The following TRAPPC9 variants were observed in gnomAD, a reference collection of about 807,000 sequenced individuals.
TRAPPC9 encodes the protein trafficking protein particle complex subunit 9.
Under a neutral mutation model 124.0 loss-of-function variants are expected in TRAPPC9, and 83 were observed. The ratio of observed to expected loss-of-function variants is 0.67; its 90% CI spans 0.56 to 0.80. The LOEUF (loss-of-function observed/expected upper bound fraction) is 0.80, where lower values mean the gene tolerates loss of function less well. TRAPPC9 is among the 30% of genes least tolerant of loss of function. The pLI, the probability that TRAPPC9 is intolerant of heterozygous loss-of-function variation, is 0.00. For missense variants in TRAPPC9, 1,302 were observed against 1,508.3 expected (o/e 0.86, Z 2.27); for synonymous variants, 638 against 617.5 (o/e 1.03, Z -0.49).
intron 17 of TRAPPC9, among the ~76,000 whole-genome samples, chr8:140,171,100 C>A (rs2061956611): frequency 6.6e-6 from 1 of 152,180 alleles, no homozygotes; most frequent in South Asian, 2.1e-4. Flanking sequence ...TGAAAACAAA[C>A]CTCCATCTGC....
intron 18 of TRAPPC9, among the ~76,000 whole-genome samples, chr8:140,001,199 A>G (rs553359376): frequency 2.6e-5 from 4 of 152,212 alleles, no homozygotes; most frequent in Non-Finnish European, 5.9e-5. Context: ...ACATGGACAC[A>G]GGGTGGAGAA....
intron 2 of TRAPPC9, among the ~76,000 whole-genome samples, chr8:140,443,205 G>A (rs1368504749): frequency 6.8e-6 from 1 of 147,280 alleles, no homozygotes; most frequent in Non-Finnish European, 1.5e-5. Flanking sequence ...GGAGGCCAAG[G>A]CGGGCAGATC....
In TRAPPC9 at chr8:140,439,205, A is replaced by G; in HGVS notation, c.585-8T>C. The G allele has an allele frequency of 6.2e-7, 1 of 1,613,912 alleles. No homozygotes were observed. The highest frequency in any genetic ancestry group is 1.1e-5 in the South Asian group (1 of 91,080). ...CACCGCTTCTTGTAATGTCTAGAAAATACATGAAAATGTATCTTTATTACT... is the reference window on the plus strand; with the variant it reads ...CACCGCTTCTTGTAATGTCTAGAAAGTACATGAAAATGTATCTTTATTACT... On this transcript the variant is annotated splice_region_variant and splice_polypyrimidine_tract_variant and intron_variant, in intron 2 of 22. Coordinates refer to ENST00000438773, the MANE Select transcript of TRAPPC9 (RefSeq NM_001160372.4).
chr8:139,977,593 G>C (rs1246771190), intron 19 of TRAPPC9, among the ~76,000 whole-genome samples: 1 of 145,002 alleles, frequency 6.9e-6, no homozygotes, highest in Non-Finnish European at 1.5e-5. Context: ...ACTCCAGCCT[G>C]GGCGACAGAG....
intron 21 of TRAPPC9, among the ~76,000 whole-genome samples, chr8:139,827,214 C>T (rs1240776644): frequency 3.3e-5 from 5 of 152,312 alleles, no homozygotes; most frequent in East Asian, 1.9e-4. Flanking sequence ...CAGGGCCTCG[C>T]GGCTCAGGGT....
chr8:140,343,008 G>A (rs189767321), intron 9 of TRAPPC9, among the ~76,000 whole-genome samples: 9 of 152,136 alleles, frequency 5.9e-5, no homozygotes, highest in East Asian at 1.9e-4. Flanking sequence ...GGAAGCTTGC[G>A]ATCACTATGG....
chr8:139,945,304 A>G (rs1170035335), intron 19 of TRAPPC9, among the ~76,000 whole-genome samples: 3 of 152,140 alleles, frequency 2.0e-5, no homozygotes, highest in East Asian at 3.8e-4. Context: ...TGGAGTGGTT[A>G]TATCAACATC....
Position 140,252,386 on chromosome 8 carries a change from C to A in TRAPPC9, c.2431+391G>T, listed in dbSNP as rs1166051793. On this transcript the variant is annotated intron_variant, in intron 16 of 22. Coordinates refer to ENST00000438773, the MANE Select transcript of TRAPPC9 (RefSeq NM_001160372.4). This position sits in a 1 kb window ranked among gnomAD's most constrained non-coding sequence, Gnocchi z 4.2. ...TTACAACAAATATAAATTTCCATTT[C>A]TTCCACACTCCACCTCCTTATAGAT... Among the ~76,000 whole-genome samples, 1 of 152,148 alleles carries A rather than the reference C, an allele frequency of 6.6e-6. No homozygotes were observed. Among genetic ancestry groups the A allele is most frequent in the African/African-American group, 2.4e-5 (1 of 41,436 alleles).
intron 17 of TRAPPC9, among the ~76,000 whole-genome samples, chr8:140,112,420 C>T (rs1404148732): frequency 4.6e-4 from 68 of 147,558 alleles, no homozygotes; most frequent in Non-Finnish European, 6.8e-4. Context: ...GAATTCCAGA[C>T]GATGGTGGGA....
intron 17 of TRAPPC9, among the ~76,000 whole-genome samples, chr8:140,129,571 CAG>C (rs535179746): frequency 2.1e-3 from 319 of 152,124 alleles, no homozygotes; most frequent in Non-Finnish European, 3.7e-3. Flanking sequence ...GATGTCCACA[CAG>C]GGGGCAGGGG....
chr8:140,329,541 T>C (rs1398352959), intron 9 of TRAPPC9, among the ~76,000 whole-genome samples: 1 of 152,166 alleles, frequency 6.6e-6, no homozygotes, highest in Non-Finnish European at 1.5e-5. Flanking sequence ...GTGAGTCAAA[T>C]ATTATCATTA....
chr8:139,960,008 G>A (rs530590716), intron 19 of TRAPPC9, among the ~76,000 whole-genome samples: 40 of 152,328 alleles, frequency 2.6e-4, no homozygotes, highest in African/African-American at 7.7e-4. Flanking sequence ...GAGCACCTGT[G>A]TCAGATGCTT....
chr8:140,454,640 C>CAAA (rs34042143), intron 1 of TRAPPC9, among the ~76,000 whole-genome samples: 33 of 67,990 alleles, frequency 4.9e-4, no homozygotes, highest in Non-Finnish European at 6.0e-4. Flanking sequence ...GACTCCCTCT[C>CAAA]AAAAAAAAAA....
At chr8:140,112,043 T>G (rs2060785799) in intron 17 of TRAPPC9, among the ~76,000 whole-genome samples, 1 of 152,252 alleles carries the variant, frequency 6.6e-6, no homozygotes, top group Non-Finnish European at 1.5e-5. Context: ...GGGTAGCCCT[T>G]CTCCTTCATC....
At chr8:140,197,000 T>C (rs531828382) in intron 17 of TRAPPC9, among the ~76,000 whole-genome samples, 2 of 152,342 alleles carry the variant, frequency 1.3e-5, no homozygotes, top group South Asian at 4.1e-4. Flanking sequence ...CCACAGCGCA[T>C]AGCAATTGCC....
rs533148664 is a variant in TRAPPC9 at position 140,437,937 on chromosome 8, C to A, written c.730+1115G>T. Among the ~76,000 whole-genome samples the A allele has an allele frequency of 3.3e-5, 5 of 152,290 alleles. No homozygotes were observed. The East Asian group carries it at 9.6e-4, about 29-fold the overall frequency. On this transcript the variant is annotated intron_variant, in intron 3 of 22. Transcript: ENST00000438773. ...AGGGCACCCGCTCTGCCGACTGCTG[C>A]GGGGGATCAGAGATGGCTGTGCTTT...
intron 20 of TRAPPC9, among the ~76,000 whole-genome samples, chr8:139,888,762 T>C (rs1407103782): frequency 6.6e-6 from 1 of 152,242 alleles, no homozygotes; most frequent in Non-Finnish European, 1.5e-5. Flanking sequence ...TACTCTGCAA[T>C]GAACTTTTAA....
chr8:140,285,186 G>A (rs1055698153), intron 13 of TRAPPC9, among the ~76,000 whole-genome samples: 10 of 152,180 alleles, frequency 6.6e-5, no homozygotes, highest in Admixed American at 2.6e-4. Context: ...CTGGACCCAG[G>A]ATAAACAACC....
chr8:140,287,822 C>T, intron 12 of TRAPPC9, 88 bp from the exon 13 acceptor site: 1 of 1,550,574 alleles, frequency 6.4e-7, no homozygotes, highest in Non-Finnish European at 8.9e-7. Context: ...TTGGCTATGG[C>T]ACATCGGAAC....
Sources: allele counts gnomAD v4.1 joint callset (sites outside exome capture counted in the v4.1 genomes callset), GRCh38; gene constraint gnomAD v4.1.1; non-coding constraint Gnocchi (gnomAD v3.1); transcripts MANE v1.5; gene names NCBI Gene and HGNC (gene_info 2026-07-23, HGNC 2026-07-21).